CSMD1: variants seen among roughly 807,000 people sequenced by gnomAD.
The protein encoded by CSMD1 is CUB and Sushi multiple domains 1.
Under a neutral mutation model 417.5 loss-of-function variants are expected in CSMD1, and 213 were observed. The ratio of observed to expected loss-of-function variants is 0.51; its 90% confidence interval spans 0.46 to 0.57. CSMD1 has a LOEUF of 0.57. Among genes scored for constraint, CSMD1 ranks in the 20% least tolerant of loss-of-function variants. The probability of loss-of-function intolerance (pLI) is 0.00; values close to 1 mark genes in which losing one functional copy is unlikely to be tolerated. For missense variants in CSMD1, 6,923 were observed against 4,529.7 expected (o/e 1.53, Z -15.17); for synonymous variants, 2,862 against 1,736.8 (o/e 1.65, Z -16.11).
intron 33 of CSMD1, among the ~76,000 whole-genome samples, chr8:3,192,004 T>G (rs1301464616): frequency 6.6e-6 from 1 of 152,192 alleles, no homozygotes; most frequent in Admixed American, 6.5e-5. Context: ...CTGTTTTATT[T>G]ATTTATTTTC....
intron 5 of CSMD1, among the ~76,000 whole-genome samples, chr8:3,908,079 G>C (rs557916445): frequency 3.5e-4 from 54 of 152,192 alleles, no homozygotes; most frequent in Non-Finnish European, 5.7e-4. Flanking sequence ...AGTCACTGGA[G>C]GTCAAAGCCC....
chr8:3,604,177 G>A (rs1563191715), intron 8 of CSMD1, among the ~76,000 whole-genome samples: 1 of 152,140 alleles, frequency 6.6e-6, no homozygotes, highest in African/African-American at 2.4e-5. Flanking sequence ...AGAATCTTGT[G>A]GGCAGATAGA....
In CSMD1 at chr8:3,369,423, C is replaced by G. The variant is rs562054534; in HGVS notation, c.2783-53G>C. ...AGCACTAAAGTTTCACAATGATTGC[C>G]AGAACAAAATACTGGTTAAATGGCA... On this transcript the variant is annotated intron_variant, in intron 18 of 69. Transcript: ENST00000635120. 444 of 868,020 alleles carry G rather than the reference C, an allele frequency of 5.1e-4. 2 individuals carry two copies. Among genetic ancestry groups the G allele is most frequent in the Non-Finnish European group, 5.5e-4 (292 of 528,186 alleles). The allele number at this position is 868,020 out of a possible 1,614,324, so 53.8% of individuals were successfully genotyped here. A position where few individuals can be genotyped will look rare whatever the true frequency, so the allele number is the denominator to read the frequency against.
At chr8:4,575,243 A>G (rs750041877) in intron 2 of CSMD1, among the ~76,000 whole-genome samples, 1 of 152,208 alleles carries the variant, frequency 6.6e-6, no homozygotes, top group African/African-American at 2.4e-5. Context: ...GTCTCCTTTT[A>G]CAATTAAAAG....
At chr8:4,208,303 G>C (rs1800101557) in intron 3 of CSMD1, among the ~76,000 whole-genome samples, 2 of 152,142 alleles carry the variant, frequency 1.3e-5, no homozygotes, top group Admixed American at 6.5e-5. Context: ...TAGAAAAAAA[G>C]ACTGGAGAAG....
chr8:4,631,117 C>G (rs1802484199), intron 2 of CSMD1, among the ~76,000 whole-genome samples: 1 of 152,142 alleles, frequency 6.6e-6, no homozygotes, highest in Non-Finnish European at 1.5e-5. Flanking sequence ...AATCCCAGCA[C>G]TTTGGGAGGC....
At chr8:3,019,099 G>C (rs1011916141) in intron 51 of CSMD1, among the ~76,000 whole-genome samples, 1 of 152,086 alleles carries the variant, frequency 6.6e-6, no homozygotes, top group Non-Finnish European at 1.5e-5. Flanking sequence ...TGTATTTTTA[G>C]TAGAGACAGT....
At chr8:3,646,930 T>G (rs1339364488) in intron 7 of CSMD1, among the ~76,000 whole-genome samples, 3 of 152,200 alleles carry the variant, frequency 2.0e-5, no homozygotes, top group Non-Finnish European at 2.9e-5. Context: ...CAAAAAAAAT[T>G]TAAAACCTCA....
chr8:3,096,491 G>A (rs1815306563), intron 47 of CSMD1, among the ~76,000 whole-genome samples: 1 of 152,112 alleles, frequency 6.6e-6, no homozygotes, highest in Admixed American at 6.5e-5. Flanking sequence ...TCTCATGCCT[G>A]CCGTCATCCA....
At chr8:3,907,682 G>C (rs1355443364) in intron 5 of CSMD1, among the ~76,000 whole-genome samples, 2 of 152,172 alleles carry the variant, frequency 1.3e-5, no homozygotes, top group East Asian at 1.9e-4. Flanking sequence ...CAGAGATCCT[G>C]AGAGCAATGT....
At chr8:3,433,329 G>C (rs950883206) in intron 12 of CSMD1, among the ~76,000 whole-genome samples, 2 of 152,130 alleles carry the variant, frequency 1.3e-5, no homozygotes, top group Non-Finnish European at 2.9e-5. Flanking sequence ...GACTTCCACT[G>C]CCTGACTGTT....
At chr8:4,023,285 G>C (rs1257792811) in intron 4 of CSMD1, among the ~76,000 whole-genome samples, 2 of 152,194 alleles carry the variant, frequency 1.3e-5, no homozygotes, top group African/African-American at 2.4e-5. Context: ...ACCCATCATT[G>C]AGACTCATTT....
intron 19 of CSMD1, among the ~76,000 whole-genome samples, 172 bp from the exon 20 acceptor site, chr8:3,367,419 CAGAGATGATAA>C (rs1391310514): frequency 6.6e-6 from 1 of 150,478 alleles, no homozygotes; most frequent in African/African-American, 2.4e-5. Context: ...CACAGAGAGA[CAGAGATGATAA>C]AGAGATGAGA....
At chr8:3,867,919 C>T (rs1476902758) in intron 5 of CSMD1, among the ~76,000 whole-genome samples, 1 of 152,014 alleles carries the variant, frequency 6.6e-6, no homozygotes, top group South Asian at 2.1e-4. Flanking sequence ...CCGCCTCCTG[C>T]CTGGACACCC....
chr8:4,381,809 TA>T (rs1803123833), intron 3 of CSMD1, among the ~76,000 whole-genome samples: 1 of 152,200 alleles, frequency 6.6e-6, no homozygotes, highest in African/African-American at 2.4e-5. Context: ...GCTGATGACT[TA>T]GTTTCATCTT....
chr8:3,296,933 G>T (rs562832191), intron 25 of CSMD1, among the ~76,000 whole-genome samples: 21 of 152,168 alleles, frequency 1.4e-4, no homozygotes, highest in Non-Finnish European at 1.0e-4. Context: ...TCAGAGAGAA[G>T]TCAGAGTGGA....
At chr8:3,295,604 G>C (rs6558757) in intron 25 of CSMD1, among the ~76,000 whole-genome samples, 133,817 of 152,214 alleles carry the variant, frequency 0.88, 59,313 homozygotes, top group Non-Finnish European at 0.93. Flanking sequence ...CTGTACTGAT[G>C]CAAGGATCTT....
intron 12 of CSMD1, among the ~76,000 whole-genome samples, chr8:3,420,519 T>G (rs1813420566): frequency 6.6e-6 from 1 of 152,012 alleles, no homozygotes; most frequent in South Asian, 2.1e-4. Context: ...ATATAAAGTA[T>G]TAAATATAGG....
intron 1 of CSMD1, among the ~76,000 whole-genome samples, chr8:4,815,469 G>C (rs1435169644): frequency 6.6e-6 from 1 of 151,966 alleles, no homozygotes; most frequent in Non-Finnish European, 1.5e-5. Flanking sequence ...GCTGAGGTGG[G>C]AGCATCACAT....
Sources: gnomAD v4.1 joint callset for allele counts (sites outside exome capture counted in the v4.1 genomes callset) on GRCh38, gnomAD v4.1.1 for gene constraint, MANE v1.5 for transcripts, NCBI Gene and HGNC (gene_info 2026-07-23, HGNC 2026-07-21) for gene names.